MAML2: variants seen among roughly 807,000 people sequenced by gnomAD.
The protein encoded by MAML2 is mastermind-like protein 2.
In MAML2, 22 loss-of-function variants were observed where a neutral mutation model predicts 96.1. That is an observed-to-expected ratio of 0.23 (90% CI 0.16 to 0.33). The LOEUF is 0.33. Among genes scored for constraint, MAML2 ranks in the 10% least tolerant of loss-of-function variants. The probability of loss-of-function intolerance (pLI) is 1.00; values close to 1 mark genes in which losing one functional copy is unlikely to be tolerated. For synonymous variants in MAML2, 561 were observed against 521.3 expected, an observed-to-expected ratio of 1.08 and a Z score of -1.04; for missense variants, 1,367 against 1,392.4, an observed-to-expected ratio of 0.98 and a Z score of 0.29.
At chr11:96,030,848 C>T (rs986270674) in intron 2 of MAML2, among the ~76,000 whole-genome samples, 3 of 152,162 alleles carry the variant, frequency 2.0e-5, no homozygotes, top group Admixed American at 6.5e-5. Context: ...CATCAAGATC[C>T]CAAGGGAAAA....
chr11:96,098,217 C>T (rs976468151), intron 1 of MAML2, among the ~76,000 whole-genome samples: 1 of 152,058 alleles, frequency 6.6e-6, no homozygotes, highest in African/African-American at 2.4e-5. Flanking sequence ...CCTGAGGCTC[C>T]AATATAGGAG....
At chr11:96,252,144 G>A (rs943733922) in intron 1 of MAML2, among the ~76,000 whole-genome samples, 4 of 151,766 alleles carry the variant, frequency 2.6e-5, no homozygotes, top group Non-Finnish European at 5.9e-5. Flanking sequence ...CACTCGTTAT[G>A]CTGTTGGGAA....
At chr11:96,121,222 G>A (rs1740248664) in intron 1 of MAML2, among the ~76,000 whole-genome samples, 1 of 152,152 alleles carries the variant, frequency 6.6e-6, no homozygotes, top group Admixed American at 6.5e-5. Context: ...GGGAGACGCT[G>A]GCTTCTCAGA....
At chr11:96,177,786 A>G (rs560360589) in intron 1 of MAML2, among the ~76,000 whole-genome samples, 4 of 152,230 alleles carry the variant, frequency 2.6e-5, no homozygotes, top group Admixed American at 6.5e-5. Flanking sequence ...TGTGGGAGAG[A>G]AGTGAGCATT....
At chr11:96,216,267 A>G (rs1274253720) in intron 1 of MAML2, among the ~76,000 whole-genome samples, 1 of 152,162 alleles carries the variant, frequency 6.6e-6, no homozygotes. Context: ...CCCTCCATTC[A>G]TACTTGGCCT....
chr11:96,311,302 A>G (rs539809316), intron 1 of MAML2, among the ~76,000 whole-genome samples: 1 of 152,226 alleles, frequency 6.6e-6, no homozygotes, highest in African/African-American at 2.4e-5. Flanking sequence ...GAAATAGAAG[A>G]AGCTGGATAG....
intron 1 of MAML2, among the ~76,000 whole-genome samples, chr11:96,154,076 T>A (rs1591043068): frequency 1.3e-5 from 2 of 152,342 alleles, no homozygotes; most frequent in South Asian, 2.1e-4. Flanking sequence ...TTTCTTTGAC[T>A]CTGCAAATCT....
At chr11:96,146,740 A>G (rs1478145284) in intron 1 of MAML2, among the ~76,000 whole-genome samples, 2 of 152,238 alleles carry the variant, frequency 1.3e-5, no homozygotes, top group African/African-American at 4.8e-5. Flanking sequence ...TGTGTCATCC[A>G]AACTTGAGGA....
intron 2 of MAML2, among the ~76,000 whole-genome samples, chr11:96,034,206 T>C (rs1858663011): frequency 6.6e-6 from 1 of 152,174 alleles, no homozygotes; most frequent in African/African-American, 2.4e-5. Flanking sequence ...TTGTAGTACT[T>C]TAGGTGGCCT....
chr11:96,236,771 T>G (rs1862372646), intron 1 of MAML2, among the ~76,000 whole-genome samples: 1 of 152,216 alleles, frequency 6.6e-6, no homozygotes, highest in African/African-American at 2.4e-5. Flanking sequence ...TTATCAACCC[T>G]ACAGATAACA....
At chr11:96,059,078 T>C (rs543766059) in intron 2 of MAML2, among the ~76,000 whole-genome samples, 5 of 152,194 alleles carry the variant, frequency 3.3e-5, no homozygotes, top group Non-Finnish European at 5.9e-5. Flanking sequence ...TGAGACTCTA[T>C]ATCAAAAATG....
chr11:96,060,450 T>A (rs1424265692), intron 2 of MAML2, among the ~76,000 whole-genome samples: 2 of 145,614 alleles, frequency 1.4e-5, no homozygotes, highest in Non-Finnish European at 3.0e-5. Context: ...TTTGTTCTAT[T>A]TTTTTTTTTC....
intron 1 of MAML2, among the ~76,000 whole-genome samples, chr11:96,121,780 A>ATGTTTTTTTTTTTT (rs1860346034): frequency 2.8e-5 from 1 of 35,238 alleles, no homozygotes; most frequent in African/African-American, 1.3e-4. Flanking sequence ...CAACTGCGTG[A>ATGTTTTTTTTTTTT]TTTTTTTTTT....
At chr11:96,308,156 T>C (rs1863491275) in intron 1 of MAML2, among the ~76,000 whole-genome samples, 1 of 152,142 alleles carries the variant, frequency 6.6e-6, no homozygotes, top group Admixed American at 6.5e-5. Context: ...CATTTCAGCA[T>C]AGCTAAAATT....
chr11:96,158,325 G>A (rs1679115472), intron 1 of MAML2, among the ~76,000 whole-genome samples: 1 of 152,074 alleles, frequency 6.6e-6, no homozygotes, highest in African/African-American at 2.4e-5. Context: ...TGTTTTGTTG[G>A]TCCTGGGGTG....
intron 1 of MAML2, among the ~76,000 whole-genome samples, chr11:96,279,952 T>C (rs1441029752): frequency 6.6e-6 from 1 of 152,216 alleles, no homozygotes; most frequent in Non-Finnish European, 1.5e-5. Flanking sequence ...TTTGAGTGAG[T>C]GCTTTATCAA....
chr11:96,166,213 ACACC>A (rs1861191920), intron 1 of MAML2, among the ~76,000 whole-genome samples: 1 of 150,526 alleles, frequency 6.6e-6, no homozygotes, highest in Non-Finnish European at 1.5e-5. Flanking sequence ...ACACACACAC[ACACC>A]CCACATTATG....
intron 1 of MAML2, among the ~76,000 whole-genome samples, chr11:96,331,862 G>A (rs1275098347): frequency 2.0e-5 from 3 of 151,456 alleles, no homozygotes; most frequent in African/African-American, 7.3e-5. Context: ...TACGAAAAGA[G>A]GATTTGGTCT....
At chr11:96,328,536 C>T (rs1207236018) in intron 1 of MAML2, among the ~76,000 whole-genome samples, 2 of 151,872 alleles carry the variant, frequency 1.3e-5, no homozygotes, top group Non-Finnish European at 2.9e-5. Context: ...GATCCACAGA[C>T]ACCCCACGCC....
Sources: gnomAD v4.1 joint callset for allele counts (sites outside exome capture counted in the v4.1 genomes callset) on GRCh38, gnomAD v4.1.1 for gene constraint, MANE v1.5 for transcripts, NCBI Gene and HGNC (gene_info 2026-07-23, HGNC 2026-07-21) for gene names.